Variants in GRM7 observed in about 807,000 individuals in gnomAD.
The protein encoded by GRM7 is metabotropic glutamate receptor 7.
A neutral mutation model predicts 84.5 loss-of-function variants in GRM7; 35 were observed. That is an observed-to-expected ratio of 0.41 (90% confidence interval 0.32 to 0.55). The LOEUF (loss-of-function observed/expected upper bound fraction) is 0.55. Among genes scored for constraint, GRM7 ranks in the 20% least tolerant of loss-of-function variants. GRM7 has a pLI of 0.19. For missense variants in GRM7, 1,003 were observed against 1,194.6 expected (o/e 0.84, Z 2.36); for synonymous variants, 487 against 455.1 (o/e 1.07, Z -0.89).
chr3:7,357,022 G>GATATC (rs1559262751), intron 4 of GRM7, among the ~76,000 whole-genome samples: 1 of 141,940 alleles, frequency 7.0e-6, no homozygotes, highest in African/African-American at 2.6e-5. Flanking sequence ...ATATATATTT[G>GATATC]ATATAAATTG....
intron 2 of GRM7, among the ~76,000 whole-genome samples, chr3:7,249,328 C>T (rs1697892733): frequency 6.6e-6 from 1 of 152,158 alleles, no homozygotes; most frequent in African/African-American, 2.4e-5. Context: ...AGTGTACCAT[C>T]TGCAAATTTC....
At position 7,057,318 on chromosome 3, in the gene GRM7, C is replaced by G. The variant is rs141329776; in HGVS notation, c.520-89134C>G. Among the ~76,000 whole-genome samples, 730 of 151,942 alleles carry G rather than the reference C, an allele frequency of 4.8e-3. 8 individuals are homozygous for G. The highest frequency in any genetic ancestry group is 0.017 in the African/African-American group (701 of 41,504). On this transcript the variant is annotated intron_variant, in intron 1 of 9. Transcript: ENST00000357716. ...TGTTTACCCCTGTATTTATACATAT[C>G]TTTTGTTTTATAGATCATCCTTTTT...
At chr3:7,014,699 G>A (rs915737952) in intron 1 of GRM7, among the ~76,000 whole-genome samples, 1 of 152,266 alleles carries the variant, frequency 6.6e-6, no homozygotes, top group Middle Eastern at 3.4e-3. Context: ...GTCATTTATT[G>A]ACTATATATC....
intron 2 of GRM7, among the ~76,000 whole-genome samples, chr3:7,257,897 C>A (rs1317297602): frequency 6.6e-6 from 1 of 152,042 alleles, no homozygotes; most frequent in African/African-American, 2.4e-5. Context: ...GGTGATTAGC[C>A]TCAAGAAATT....
intron 7 of GRM7, among the ~76,000 whole-genome samples, chr3:7,505,567 A>T (rs1204083276): frequency 6.6e-6 from 1 of 152,240 alleles, no homozygotes; most frequent in African/African-American, 2.4e-5. Flanking sequence ...GGAGGAAGTC[A>T]TGTGTTCACA....
At chr3:7,654,887 T>C (rs1056074134) in intron 8 of GRM7, among the ~76,000 whole-genome samples, 1 of 152,262 alleles carries the variant, frequency 6.6e-6, no homozygotes, top group Non-Finnish European at 1.5e-5. Flanking sequence ...ATTTTACTTC[T>C]GATCAGCTCT....
At chr3:7,273,488 C>T (rs1391226581) in intron 2 of GRM7, among the ~76,000 whole-genome samples, 3 of 152,068 alleles carry the variant, frequency 2.0e-5, no homozygotes, top group Non-Finnish European at 4.4e-5. Context: ...ATTTACCTAT[C>T]TCTACTTGTA....
At chr3:7,085,372 A>G (rs548730624) in intron 1 of GRM7, among the ~76,000 whole-genome samples, 1 of 152,320 alleles carries the variant, frequency 6.6e-6, no homozygotes, top group East Asian at 1.9e-4. Context: ...TTTTTCAAAT[A>G]ACAATATGCC....
Position 7,486,969 on chromosome 3 carries a change from G to C in GRM7, c.1515+25247G>C, listed in dbSNP as rs545281024. On this transcript the variant is annotated intron_variant, in intron 7 of 9. Transcript: ENST00000357716. This position sits in a 1 kb window ranked among gnomAD's most constrained non-coding sequence, Gnocchi z 5.5. Reference sequence around the variant, plus strand: ...GAACTTCTTAGAGATTAGTTAAGTTGTGGTGACTGAAATGTAGATAGGAAT... The same window carrying C: ...GAACTTCTTAGAGATTAGTTAAGTTCTGGTGACTGAAATGTAGATAGGAAT... 1.3e-5 allele frequency among the ~76,000 whole-genome samples: 2 copies of C among 152,312 alleles called. No individual in the cohort carries two copies. Among genetic ancestry groups the C allele is most frequent in the South Asian group, 4.1e-4 (2 of 4,824 alleles).
chr3:7,735,665 A>C (rs1451969736), intron 9 of GRM7, among the ~76,000 whole-genome samples: 2 of 152,166 alleles, frequency 1.3e-5, no homozygotes, highest in Non-Finnish European at 1.5e-5. Context: ...ATAAAGTCCT[A>C]TTGTGGTAAC....
At chr3:7,284,592 G>T (rs987056237) in intron 2 of GRM7, among the ~76,000 whole-genome samples, 3 of 151,974 alleles carry the variant, frequency 2.0e-5, no homozygotes, top group Admixed American at 6.6e-5. Flanking sequence ...TCTGATTCGG[G>T]TTTACTCCAA....
At chr3:7,096,930 A>C (rs182256777) in intron 1 of GRM7, among the ~76,000 whole-genome samples, 2 of 152,302 alleles carry the variant, frequency 1.3e-5, no homozygotes, top group African/African-American at 4.8e-5. Context: ...AATGGAAACA[A>C]AAACAAGTGA....
intron 2 of GRM7, among the ~76,000 whole-genome samples, chr3:7,150,069 A>G (rs375001706): frequency 6.3e-5 from 9 of 143,384 alleles, no homozygotes; most frequent in Admixed American, 2.1e-4. Context: ...GTATACATAT[A>G]TGTGTGTGTG....
intron 8 of GRM7, among the ~76,000 whole-genome samples, chr3:7,663,473 C>T (rs189424019): frequency 2.4e-4 from 37 of 152,306 alleles, no homozygotes; most frequent in Admixed American, 2.4e-3. Flanking sequence ...CAATAGATCC[C>T]TCGGTCCTCA....
chr3:7,322,635 T>C (rs904381529), intron 4 of GRM7, among the ~76,000 whole-genome samples: 1 of 151,850 alleles, frequency 6.6e-6, no homozygotes, highest in African/African-American at 2.4e-5. Context: ...AGCTCTCACT[T>C]ATAAGTGAGA....
At chr3:7,432,628 C>G (rs1219222903) in intron 5 of GRM7, among the ~76,000 whole-genome samples, 1 of 131,134 alleles carries the variant, frequency 7.6e-6, no homozygotes, top group Admixed American at 7.5e-5. Context: ...AGCCGGGCAT[C>G]TAGTTTAAAA....
chr3:7,288,591 C>T (rs368880735), intron 2 of GRM7, among the ~76,000 whole-genome samples: 2 of 152,060 alleles, frequency 1.3e-5, no homozygotes, highest in Admixed American at 6.6e-5. Flanking sequence ...TCTGGCATTA[C>T]GTGGCAGTGT....
chr3:7,298,593 G>A, intron 2 of GRM7, 91 bp from the exon 3 acceptor site: 1 of 1,048,376 alleles, frequency 9.5e-7, no homozygotes, highest in Non-Finnish European at 1.4e-6. Flanking sequence ...GCATATCCGG[G>A]ATTCAGAATC....
At chr3:7,432,840 G>A (rs551164452) in intron 5 of GRM7, among the ~76,000 whole-genome samples, 2 of 152,108 alleles carry the variant, frequency 1.3e-5, no homozygotes, top group Admixed American at 1.3e-4. Flanking sequence ...ATGCAGCACA[G>A]GACAATAAAG....
Sources: allele counts gnomAD v4.1 joint callset (sites outside exome capture counted in the v4.1 genomes callset), GRCh38; gene constraint gnomAD v4.1.1; non-coding constraint Gnocchi (gnomAD v3.1); transcripts MANE v1.5; gene names NCBI Gene and HGNC (gene_info 2026-07-23, HGNC 2026-07-21).